ABCA4: variants seen among roughly 807,000 people sequenced by gnomAD.
ABCA4 encodes the protein ATP binding cassette subfamily A member 4.
ABCA4 carries 196 observed loss-of-function variants against 263.7 expected under a neutral mutation model. The ratio of observed to expected loss-of-function variants is 0.74; its 90% CI spans 0.66 to 0.84. The LOEUF is 0.84. Among genes scored for constraint, ABCA4 ranks in the 40% least tolerant of loss-of-function variants. ABCA4 has a pLI of 0.00. For synonymous variants in ABCA4, 1,133 were observed against 1,094.2 expected (o/e 1.04, Z -0.70); for missense variants, 2,792 against 2,855.1 (o/e 0.98, Z 0.50).
intron 5 of ABCA4, among the ~76,000 whole-genome samples, chr1:94,100,059 CCCA>C (rs1662249246): frequency 6.6e-6 from 1 of 152,204 alleles, no homozygotes; most frequent in Admixed American, 6.5e-5. Context: ...ACCACAGTCT[CCCA>C]TGACATCTAA....
At chr1:94,025,420 A>C (rs748329168) in intron 30 of ABCA4, 4 of 378,816 alleles carry the variant, frequency 1.1e-5, no homozygotes, top group Non-Finnish European at 2.0e-5. Flanking sequence ...CCCAGCAGCC[A>C]GCTTGAACTA....
chr1:94,035,125 T>C (rs1002142165), intron 26 of ABCA4, among the ~76,000 whole-genome samples: 9 of 152,244 alleles, frequency 5.9e-5, no homozygotes. Flanking sequence ...TCTATGCCTA[T>C]GCTGACTAAA....
intron 46 of ABCA4, 37 bp from the exon 47 acceptor site, chr1:94,000,965 T>G (rs757989501): frequency 2.5e-6 from 4 of 1,613,960 alleles, no homozygotes; most frequent in Non-Finnish European, 3.4e-6. Flanking sequence ...CAGGAGAGGA[T>G]TCCCACCCAC....
At chr1:94,045,214 T>C (rs1047839855) in intron 19 of ABCA4, among the ~76,000 whole-genome samples, 5 of 152,168 alleles carry the variant, frequency 3.3e-5, no homozygotes, top group Admixed American at 2.6e-4. Flanking sequence ...CCCTAAGCAG[T>C]CCTAGGCATT....
rs1064793013 is a variant in ABCA4, at chr1:94,008,300, G to T, written c.5836-3C>A. On this transcript the variant is annotated splice_region_variant and splice_polypyrimidine_tract_variant and intron_variant, in intron 41 of 49. Coordinates refer to ENST00000370225, the MANE Select transcript of ABCA4 (RefSeq NM_000350.3). ...GGGCTGGAGGTGCCTGGATAAATCTGCAAGATACGAAGAAACCGGACTGAG... is the reference window on the plus strand; with the variant it reads ...GGGCTGGAGGTGCCTGGATAAATCTTCAAGATACGAAGAAACCGGACTGAG... The T allele has an allele frequency of 1.9e-6, 3 of 1,613,952 alleles. No individual in the cohort carries two copies. The highest frequency in any genetic ancestry group is 1.3e-5 in the African/African-American group (1 of 74,920).
intron 26 of ABCA4, among the ~76,000 whole-genome samples, chr1:94,033,074 A>T (rs1454864842): frequency 6.6e-6 from 1 of 152,216 alleles, no homozygotes; most frequent in Non-Finnish European, 1.5e-5. Context: ...TACAAGATAC[A>T]TAAATTTGGG....
chr1:94,030,570 CCAA>C, intron 28 of ABCA4, 44 bp from the exon 29 acceptor site: 1 of 1,566,920 alleles, frequency 6.4e-7, no homozygotes. Flanking sequence ...CAGGCGCGTG[CCAA>C]CATCATGCAA....
At chr1:94,111,937 G>T (rs571718601) in intron 2 of ABCA4, among the ~76,000 whole-genome samples, 6 of 152,250 alleles carry the variant, frequency 3.9e-5, no homozygotes, top group Non-Finnish European at 7.3e-5. Flanking sequence ...GCAGACGCTC[G>T]TCTATTCCTT....
At chr1:94,010,609 C>T (rs1659517153) in intron 40 of ABCA4, 191 bp downstream of exon 40, 1 of 777,852 alleles carries the variant, frequency 1.3e-6, no homozygotes, top group African/African-American at 1.7e-5. Flanking sequence ...AGTGGATGCT[C>T]TTCACATATT....
chr1:94,027,087 T>A (rs1233604831), intron 30 of ABCA4, among the ~76,000 whole-genome samples: 2 of 151,408 alleles, frequency 1.3e-5, no homozygotes, highest in Non-Finnish European at 2.9e-5. Flanking sequence ...AAAGAGTGAG[T>A]GAGAGAGACA....
chr1:94,031,816 G>C lies in ABCA4; in HGVS notation c.4090C>G (p.Gln1364Glu). Residue 1364 changes from glutamine (Q) to glutamate (E), a missense_variant, in exon 27 of 50, where the codon CAA becomes GAA. Physicochemically the swap from Gln to Glu is conservative, Grantham distance 29. Coordinates refer to ENST00000370225, the MANE Select transcript of ABCA4 (RefSeq NM_000350.3). The part of the protein sequence containing the change: ...HVQALLVKRF[Q>E]HTIRSHKDFL... Reference sequence around the variant, plus strand: ...TCCTTGTGGCTGCGGATGGTGTGTTGGAATCTCTTGACCAGCAGCGCCTGC... The same window carrying C: ...TCCTTGTGGCTGCGGATGGTGTGTTCGAATCTCTTGACCAGCAGCGCCTGC... 1 of 1,614,064 alleles carries C rather than the reference G, an allele frequency of 6.2e-7. No individual in the cohort carries two copies. The highest frequency in any genetic ancestry group is 1.1e-5 in the South Asian group (1 of 91,072).
intron 4 of ABCA4, among the ~76,000 whole-genome samples, chr1:94,105,217 A>G (rs1662399006): frequency 1.3e-5 from 2 of 152,232 alleles, no homozygotes; most frequent in Admixed American, 1.3e-4. Context: ...GACATGAGGC[A>G]TTCAGTAAAT....
chr1:94,031,542 T>C (rs1660201321), intron 27 of ABCA4, among the ~76,000 whole-genome samples: 1 of 152,188 alleles, frequency 6.6e-6, no homozygotes, highest in Non-Finnish European at 1.5e-5. Context: ...AAAAACAATA[T>C]TAACATTTTC....
chr1:94,001,024 C>A lies in ABCA4; in HGVS notation c.6364G>T (p.Ala2122Ser). 6.2e-7 allele frequency: 1 copy of A among 1,614,172 alleles called. No individual in the cohort carries two copies. The highest frequency in any genetic ancestry group is 8.5e-7 in the Non-Finnish European group (1 of 1,180,026). ...VIVSIIREGR[A>S]VVLTSHSMEE... ...TGCCTGTGGGATGTGAGGACCACAG[C>A]CCTCCCTTCTCTGATGATGCTCACG... The change falls in exon 46 of 50, where the codon GCT (alanine) becomes TCT (serine). Residue 2122 changes from alanine to serine, a missense_variant. Coordinates refer to ENST00000370225, the MANE Select transcript of ABCA4 (RefSeq NM_000350.3).
chr1:94,049,367 T>C (rs1660773345), intron 17 of ABCA4, among the ~76,000 whole-genome samples: 1 of 152,216 alleles, frequency 6.6e-6, no homozygotes, highest in Non-Finnish European at 1.5e-5. Context: ...GGCTCACGCC[T>C]GTAATCCCAG....
rs1659914654 is a variant in ABCA4, at chr1:94,021,943, C to T, written c.4676G>A (p.Gly1559Glu). 6.2e-7 allele frequency: 1 copy of T among 1,614,102 alleles called. No homozygotes were observed. The highest frequency in any genetic ancestry group is 1.1e-5 in the South Asian group (1 of 91,082). The part of the protein sequence containing the change: ...KFWVNEQRYG[G>E]ISIGGKLPVV... ...TGGGAGCTTTCCTCCAATGGAAATT[C>T]CTCCATACCTGACAAGGAAACAGGA... The change falls in exon 33 of 50, where the codon GGA becomes GAA. Residue 1559 changes from glycine to glutamate, a missense_variant. Physicochemically the swap from Gly to Glu is moderately conservative, Grantham distance 98 (BLOSUM62 -2). Transcript: ENST00000370225.
At chr1:94,078,828 T>A in intron 9 of ABCA4, 122 bp from the exon 10 acceptor site, 1 of 794,000 alleles carries the variant, frequency 1.3e-6, no homozygotes, top group Non-Finnish European at 2.3e-6. Flanking sequence ...AAGGAAGTGT[T>A]TTTATTTTCT....
Position 94,001,028 on chromosome 1 carries a change from C to G in ABCA4, c.6360G>C (p.Gly2120=). 6.2e-7 allele frequency: 1 copy of G among 1,614,210 alleles called. No individual in the cohort carries two copies. The highest frequency in any genetic ancestry group is 1.3e-5 in the African/African-American group (1 of 75,042). The change falls in exon 46 of 50, where the codon GGG becomes GGC. Residue 2120 remains glycine, a synonymous_variant. Transcript: ENST00000370225. ...TGTGGGATGTGAGGACCACAGCCCTCCCTTCTCTGATGATGCTCACGATGA... is the reference window on the plus strand; with the variant it reads ...TGTGGGATGTGAGGACCACAGCCCTGCCTTCTCTGATGATGCTCACGATGA... The part of the protein sequence containing the change: ...WNVIVSIIRE[G]RAVVLTSHSM...
intron 3 of ABCA4, among the ~76,000 whole-genome samples, chr1:94,109,607 G>C (rs542069303): frequency 6.6e-6 from 1 of 152,330 alleles, no homozygotes; most frequent in East Asian, 1.9e-4. Context: ...TTGAGGAGCA[G>C]GGGAGACTGG....
Sources: gnomAD v4.1 joint callset for allele counts (sites outside exome capture counted in the v4.1 genomes callset) on GRCh38, gnomAD v4.1.1 for gene constraint, MANE v1.5 for transcripts, NCBI Gene and HGNC (gene_info 2026-07-23, HGNC 2026-07-21) for gene names.